CHMP3: variants seen among roughly 807,000 people sequenced by gnomAD.
CHMP3 encodes charged multivesicular body protein 3.
A neutral mutation model predicts 27.4 loss-of-function variants in CHMP3; 8 were observed. The ratio of observed to expected loss-of-function variants is 0.29; its 90% CI spans 0.17 to 0.53. CHMP3 has a LOEUF of 0.53. Ranked by LOEUF, CHMP3 falls within the 20% of genes least tolerant of loss-of-function variation. The probability of loss-of-function intolerance (pLI) is 0.96; values close to 1 mark genes in which losing one functional copy is unlikely to be tolerated. For missense variants in CHMP3, 208 were observed against 271.5 expected (o/e 0.77, Z 1.64); for synonymous variants, 86 against 85.5 (o/e 1.01, Z -0.03).
At chr2:86,556,924 G>T (rs1677146109) in intron 1 of CHMP3, among the ~76,000 whole-genome samples, 1 of 152,162 alleles carries the variant, frequency 6.6e-6, no homozygotes, top group Non-Finnish European at 1.5e-5. Context: ...TCCTGTCCAT[G>T]AAACAAGTAC....
rs1348319314 is a variant in CHMP3 at position 86,510,688 on chromosome 2, A to G, written c.287-209T>C. 5.9e-5 allele frequency: 37 copies of G among 624,362 alleles called. No homozygotes were observed. The Admixed American group carries it at 9.9e-4, about 17-fold the overall frequency. The allele number at this position is 624,362 out of a possible 1,614,324, so 38.7% of individuals were successfully genotyped here. ...CTGGGTTACTACTGATGTGAATTCA[A>G]TGAGCATGCACACCACATGACCAAT... On this transcript the variant is annotated intron_variant, in intron 3 of 5. Coordinates refer to ENST00000263856, the MANE Select transcript of CHMP3 (RefSeq NM_016079.4).
chr2:86,548,485 C>G (rs1267927142), intron 1 of CHMP3, among the ~76,000 whole-genome samples: 1 of 152,180 alleles, frequency 6.6e-6, no homozygotes, highest in Non-Finnish European at 1.5e-5. Flanking sequence ...GCACATGTTT[C>G]AGAGAGCACG....
At chr2:86,545,681 C>G (rs1359964178) in intron 1 of CHMP3, among the ~76,000 whole-genome samples, 1 of 150,902 alleles carries the variant, frequency 6.6e-6, no homozygotes, top group African/African-American at 2.4e-5. Flanking sequence ...AGGCACTCCT[C>G]AGTTCCCAGA....
chr2:86,522,160 C>G (rs959875233), intron 3 of CHMP3, among the ~76,000 whole-genome samples: 16 of 152,142 alleles, frequency 1.1e-4, no homozygotes, highest in African/African-American at 3.9e-4. Flanking sequence ...CCAGAGGCAT[C>G]TGCATTTTAA....
chr2:86,537,409 C>G (rs1232739695), intron 2 of CHMP3, among the ~76,000 whole-genome samples: 1 of 152,052 alleles, frequency 6.6e-6, no homozygotes, highest in Non-Finnish European at 1.5e-5. Flanking sequence ...TCCTTTAGTT[C>G]TTTGCACATC....
chr2:86,549,141 G>A lies in CHMP3; in HGVS notation c.46-6829C>T, dbSNP rs532863352. ...GCGGCCGGGAAGAGGCGCCCCTCACGTCCCAGACGGGGCGGCCGGGCAGAG... is the reference window on the plus strand; with the variant it reads ...GCGGCCGGGAAGAGGCGCCCCTCACATCCCAGACGGGGCGGCCGGGCAGAG... On this transcript the variant is annotated intron_variant, in intron 1 of 5. Coordinates refer to ENST00000263856, the MANE Select transcript of CHMP3 (RefSeq NM_016079.4). Among the ~76,000 whole-genome samples the A allele has an allele frequency of 6.7e-3, 654 of 97,860 alleles. 1 individual carries two copies. The highest frequency in any genetic ancestry group is 0.011 in the Middle Eastern group (1 of 88). The allele number at this position is 97,860 out of a possible 152,430, so 64.2% of individuals were successfully genotyped here.
intron 2 of CHMP3, among the ~76,000 whole-genome samples, chr2:86,538,113 T>C (rs1676219949): frequency 6.6e-6 from 1 of 152,182 alleles, no homozygotes; most frequent in East Asian, 1.9e-4. Context: ...TTCTGATACC[T>C]GCTACAACAT....
At chr2:86,561,363 G>A (rs1677353318) in intron 1 of CHMP3, among the ~76,000 whole-genome samples, 1 of 152,302 alleles carries the variant, frequency 6.6e-6, no homozygotes, top group East Asian at 1.9e-4. Context: ...GGTTCAATAT[G>A]TTAGCTAAAG....
intron 2 of CHMP3, among the ~76,000 whole-genome samples, chr2:86,535,189 G>A (rs79565975): frequency 0.042 from 6,321 of 150,904 alleles, 245 homozygotes; most frequent in East Asian, 0.14. Context: ...CCAGGAGGTC[G>A]AGGCTGCTGT....
At chr2:86,522,068 G>A (rs1675541311) in intron 3 of CHMP3, among the ~76,000 whole-genome samples, 1 of 152,150 alleles carries the variant, frequency 6.6e-6, no homozygotes, top group African/African-American at 2.4e-5. Flanking sequence ...GCAAGGAGCT[G>A]CTGTCAGAAA....
At chr2:86,556,993 T>C (rs1202890745) in intron 1 of CHMP3, among the ~76,000 whole-genome samples, 1 of 152,228 alleles carries the variant, frequency 6.6e-6, no homozygotes, top group Non-Finnish European at 1.5e-5. Context: ...CAGTGGATGA[T>C]AGAGAATAAA....
chr2:86,554,690 G>T (rs935266355), intron 1 of CHMP3, among the ~76,000 whole-genome samples: 1 of 151,932 alleles, frequency 6.6e-6, no homozygotes. Context: ...AATTTCCCTT[G>T]TACATAGCCT....
At chr2:86,539,568 T>C (rs1037612226) in intron 2 of CHMP3, among the ~76,000 whole-genome samples, 2 of 152,078 alleles carry the variant, frequency 1.3e-5, no homozygotes, top group African/African-American at 4.8e-5. Context: ...GTGAGAAGAA[T>C]TATAGTAAGC....
intron 4 of CHMP3, among the ~76,000 whole-genome samples, chr2:86,510,007 C>T (rs901883565): frequency 1.6e-4 from 25 of 152,304 alleles, no homozygotes; most frequent in African/African-American, 5.3e-4. Flanking sequence ...AGGCCAAATA[C>T]GGTCTCTGCC....
intron 3 of CHMP3, among the ~76,000 whole-genome samples, chr2:86,524,627 C>T (rs1036066830): frequency 6.6e-6 from 1 of 152,094 alleles, no homozygotes; most frequent in Admixed American, 6.5e-5. Flanking sequence ...ATATAAGGGA[C>T]TTGAACATCC....
At position 86,504,175 on chromosome 2, in the gene CHMP3, T is replaced by G. The variant is rs1201363710; in HGVS notation, c.*1629A>C. On this transcript the variant is annotated 3_prime_UTR_variant, in exon 6 of 6. Coordinates refer to ENST00000263856, the MANE Select transcript of CHMP3 (RefSeq NM_016079.4). ...ACTATTCTGTATGATTCTATAATTG[T>G]AGATATCATCATACATTTGTCTAAG... is the stretch of plus-strand genomic sequence containing the variant. 2 of 152,196 alleles carry G rather than the reference T, an allele frequency of 1.3e-5. No individual in the cohort carries two copies. The highest frequency in any genetic ancestry group is 4.8e-5 in the African/African-American group (2 of 41,448). 9.4% of individuals were successfully genotyped at this position (152,196 alleles called of 1,614,324 possible).
chr2:86,518,895 C>CA (rs1382449300), intron 3 of CHMP3, among the ~76,000 whole-genome samples: 12 of 152,198 alleles, frequency 7.9e-5, no homozygotes, highest in Non-Finnish European at 1.6e-4. Flanking sequence ...GCAGGACACT[C>CA]ACTGGTAAAA....
At chr2:86,517,437 G>A (rs966307431) in intron 3 of CHMP3, among the ~76,000 whole-genome samples, 10 of 151,868 alleles carry the variant, frequency 6.6e-5, no homozygotes, top group African/African-American at 2.4e-4. Context: ...GTGGTGGCGG[G>A]CACCTGTAGT....
chr2:86,554,141 A>T (rs958012837), intron 1 of CHMP3, among the ~76,000 whole-genome samples: 15 of 152,308 alleles, frequency 9.8e-5, no homozygotes, highest in African/African-American at 3.6e-4. Context: ...CTATGAACCA[A>T]AAAGCAGTGC....
Sources: allele counts gnomAD v4.1 joint callset (sites outside exome capture counted in the v4.1 genomes callset), GRCh38; gene constraint gnomAD v4.1.1; transcripts MANE v1.5; gene names NCBI Gene and HGNC (gene_info 2026-07-23, HGNC 2026-07-21).